Variants in PTPN13 observed in about 807,000 individuals in gnomAD.
PTPN13 encodes protein tyrosine phosphatase non-receptor type 13, also known as tyrosine-protein phosphatase non-receptor type 13.
In PTPN13, 191 loss-of-function variants were observed where a neutral mutation model predicts 284.0. That is an observed-to-expected ratio of 0.67 (90% CI 0.60 to 0.76). The LOEUF (loss-of-function observed/expected upper bound fraction) is 0.76. PTPN13 is among the 30% of genes least tolerant of loss of function. The pLI is 0.00. For missense variants in PTPN13, 2,797 were observed against 2,939.9 expected, an observed-to-expected ratio of 0.95 and a Z score of 1.12; for synonymous variants, 986 against 1,022.3, an observed-to-expected ratio of 0.96 and a Z score of 0.68.
Position 86,766,450 on chromosome 4 carries a change from T to C in PTPN13, c.4262T>C (p.Val1421Ala). 1 of 1,609,188 alleles carries C rather than the reference T, an allele frequency of 6.2e-7. No homozygotes were observed. The highest frequency in any genetic ancestry group is 8.5e-7 in the Non-Finnish European group (1 of 1,178,648). Residue 1421 changes from valine to alanine, a missense_variant, in exon 27 of 48, where the codon GTC (valine) becomes GCC (alanine). Transcript: ENST00000411767. The stretch of plus-strand genomic sequence containing the variant: ...TTTTTAGGTGATCGCGTCCTAGCTG[T>C]CAATGGAGTTAGTCTAGAAGGAGCC... ...RIHKGDRVLA[V>A]NGVSLEGATH...
intron 2 of PTPN13, among the ~76,000 whole-genome samples, chr4:86,658,040 C>T (rs144364453): frequency 6.6e-6 from 1 of 152,280 alleles, no homozygotes; most frequent in Non-Finnish European, 1.5e-5. Flanking sequence ...GTCCTTGTGG[C>T]CTGACTGCCA....
rs551750498 is a variant in PTPN13 at position 86,693,543 on chromosome 4, G to C, written c.547-44G>C. ...TAAACAGTTACCATGAAAACAAAAGGGAGATCCTTTTGTCAAACTTGATTT... is the reference window on the plus strand; with the variant it reads ...TAAACAGTTACCATGAAAACAAAAGCGAGATCCTTTTGTCAAACTTGATTT... On this transcript the variant is annotated intron_variant, in intron 5 of 47. Transcript: ENST00000411767. 5.5e-5 allele frequency: 72 copies of C among 1,311,542 alleles called. 3 individuals carry two copies. The South Asian group carries it at 1.1e-3, about 20-fold the overall frequency. 81.2% of individuals were successfully genotyped at this position (1,311,542 alleles called of 1,614,324 possible).
intron 1 of PTPN13, among the ~76,000 whole-genome samples, chr4:86,626,838 C>T (rs1355905291): frequency 4.6e-5 from 7 of 152,068 alleles, no homozygotes; most frequent in East Asian, 1.9e-4. Context: ...CCAACCCCTA[C>T]GTTACTCAAG....
intron 42 of PTPN13, 127 bp downstream of exon 42, chr4:86,799,331 T>C (rs1348318800): frequency 5.2e-6 from 3 of 578,724 alleles, no homozygotes; most frequent in African/African-American, 4.0e-5. Context: ...TTTTTTTTTT[T>C]TTCTTTTTTT....
rs1176061363 is a variant in PTPN13, at chr4:86,771,277, A to C, written c.4910A>C (p.Asp1637Ala). 6.2e-7 allele frequency: 1 copy of C among 1,606,998 alleles called. No homozygotes were observed. Among genetic ancestry groups the C allele is most frequent in the South Asian group, 1.1e-5 (1 of 89,260 alleles). The change falls in exon 31 of 48, where the codon GAC becomes GCC. Residue 1637 changes from aspartate (D) to alanine (A), a missense_variant. By Grantham distance (126) the Asp-to-Ala change is moderately radical (BLOSUM62 -2). Transcript: ENST00000411767. Reference sequence around the variant, plus strand: ...AGCTCAGATGAAAATGAAATGTCAGACAAAAGCAAAAAACAGTGCAAGTCC... The same window carrying C: ...AGCTCAGATGAAAATGAAATGTCAGCCAAAAGCAAAAAACAGTGCAAGTCC... ...STSSDENEMS[D>A]KSKKQCKSPS...
chr4:86,672,071 AG>A (rs1249112812), intron 2 of PTPN13, among the ~76,000 whole-genome samples: 2 of 152,242 alleles, frequency 1.3e-5, no homozygotes, highest in African/African-American at 4.8e-5. Flanking sequence ...ATTTGAACCA[AG>A]TTTAATTCTT....
intron 3 of PTPN13, among the ~76,000 whole-genome samples, chr4:86,686,214 TAGTC>T (rs1729437204): frequency 6.6e-6 from 1 of 152,014 alleles, no homozygotes; most frequent in East Asian, 1.9e-4. Context: ...ATAGAAAAAT[TAGTC>T]AGGCATGGTG....
chr4:86,753,106 C>G (rs1737576757), intron 20 of PTPN13, 41 bp downstream of exon 20: 2 of 1,472,224 alleles, frequency 1.4e-6, no homozygotes, highest in Admixed American at 3.4e-5. Context: ...TCCATCATTT[C>G]TTGTACCTTA....
chr4:86,635,148 TAGACA>T, intron 1 of PTPN13, 99 bp from the exon 2 acceptor site: 1 of 1,212,368 alleles, frequency 8.2e-7, no homozygotes, highest in East Asian at 2.6e-5. Context: ...AGAAATTAGG[TAGACA>T]GGGGGCTTAT....
Position 86,725,431 on chromosome 4 carries a change from C to A in PTPN13, c.1608+2997C>A, listed in dbSNP as rs946745928. Among the ~76,000 whole-genome samples the A allele has an allele frequency of 4.7e-5, 7 of 149,544 alleles. 1 individual carries two copies. The highest frequency in any genetic ancestry group is 2.0e-4 in the Admixed American group (3 of 14,942). On this transcript the variant is annotated intron_variant, in intron 10 of 47. Transcript: ENST00000411767. ...AAGGTTGAACTACTTTACGCTCCCA[C>A]CAACAGTGTAAAAGCGTTCCTATTT...
chr4:86,795,008 A>G (rs925904836), intron 40 of PTPN13, among the ~76,000 whole-genome samples: 2 of 152,216 alleles, frequency 1.3e-5, no homozygotes, highest in Non-Finnish European at 2.9e-5. Context: ...CATGACTAAA[A>G]CAACAAAAGC....
chr4:86,692,131 GTTGT>G (rs1226417217), intron 5 of PTPN13, among the ~76,000 whole-genome samples: 1 of 152,076 alleles, frequency 6.6e-6, no homozygotes, highest in Non-Finnish European at 1.5e-5. Context: ...ACCATATGAG[GTTGT>G]TTGAGGATTA....
chr4:86,767,705 A>T, intron 27 of PTPN13, 112 bp from the exon 28 acceptor site: 1 of 860,394 alleles, frequency 1.2e-6, no homozygotes. Context: ...GGTGGACCAA[A>T]TTTGGTAGTT....
chr4:86,792,527 G>C (rs916614974), intron 40 of PTPN13, among the ~76,000 whole-genome samples: 2 of 152,148 alleles, frequency 1.3e-5, no homozygotes, highest in Non-Finnish European at 2.9e-5. Context: ...GATACTCCTT[G>C]AAAAGAGCAA....
At chr4:86,624,327 G>A (rs1005234050) in intron 1 of PTPN13, among the ~76,000 whole-genome samples, 6 of 152,076 alleles carry the variant, frequency 3.9e-5, no homozygotes, top group East Asian at 1.9e-4. Context: ...AGAAAAAGCT[G>A]AGGATCTGAT....
chr4:86,785,308 G>A lies in PTPN13; in HGVS notation c.6196G>A (p.Asp2066Asn). 1 of 1,610,406 alleles carries A rather than the reference G, an allele frequency of 6.2e-7. No individual in the cohort carries two copies. The highest frequency in any genetic ancestry group is 1.7e-4 in the Middle Eastern group (1 of 6,056). Residue 2066 changes from aspartate (D) to asparagine (N), a missense_variant, in exon 39 of 48, where the codon GAT becomes AAT. Asp to Asn is a conservative substitution (Grantham distance 23, BLOSUM62 1). Transcript: ENST00000411767. ...EVIQSLLDVV[D>N]EEAQNLLNEN... ...TATCCAGTCTCTGCTGGATGTTGTG[G>A]ATGAGGAAGCCCAGAATCTTTTAAA...
intron 1 of PTPN13, among the ~76,000 whole-genome samples, chr4:86,602,484 G>GT (rs780171101): frequency 3.3e-4 from 46 of 141,266 alleles, no homozygotes; most frequent in East Asian, 1.5e-3. Context: ...ATTTATAACA[G>GT]TTTTTTTAAC....
intron 44 of PTPN13, among the ~76,000 whole-genome samples, chr4:86,806,438 C>T (rs1482184578): frequency 6.6e-6 from 1 of 152,086 alleles, no homozygotes; most frequent in Non-Finnish European, 1.5e-5. Context: ...AGTAATAATG[C>T]AATTGTATTT....
chr4:86,772,374 C>T (rs1740095486), intron 31 of PTPN13, among the ~76,000 whole-genome samples: 1 of 151,916 alleles, frequency 6.6e-6, no homozygotes, highest in Non-Finnish European at 1.5e-5. Context: ...GGCAACATGG[C>T]AAAATCCCAT....
Sources: allele counts gnomAD v4.1 joint callset (sites outside exome capture counted in the v4.1 genomes callset), GRCh38; gene constraint gnomAD v4.1.1; transcripts MANE v1.5; gene names NCBI Gene and HGNC (gene_info 2026-07-23, HGNC 2026-07-21).